RSU1: variants seen among roughly 807,000 people sequenced by gnomAD.
RSU1 encodes Ras suppressor protein 1.
RSU1 carries 26 observed loss-of-function variants against 31.1 expected under a neutral mutation model. That is an observed-to-expected ratio of 0.84 (90% CI 0.61 to 1.16). The LOEUF (loss-of-function observed/expected upper bound fraction) is 1.16, where lower values mean the gene tolerates loss of function less well. RSU1 is among the 50% of genes most tolerant of loss of function. RSU1 has a pLI of 0.00. For synonymous variants in RSU1, 164 were observed against 136.3 expected, an observed-to-expected ratio of 1.20 and a Z score of -1.41; for missense variants, 320 against 339.1, an observed-to-expected ratio of 0.94 and a Z score of 0.44.
chr10:16,679,687 G>A (rs1474494256), intron 8 of RSU1, among the ~76,000 whole-genome samples: 1 of 152,156 alleles, frequency 6.6e-6, no homozygotes, highest in African/African-American at 2.4e-5. Context: ...GATGTAACCC[G>A]GCCTTGTCTT....
chr10:16,788,055 G>A (rs1837831537), intron 2 of RSU1, among the ~76,000 whole-genome samples: 1 of 152,096 alleles, frequency 6.6e-6, no homozygotes, highest in Non-Finnish European at 1.5e-5. Context: ...ACCAGACAAA[G>A]CATTGCTCTA....
intron 8 of RSU1, among the ~76,000 whole-genome samples, chr10:16,677,379 C>A (rs892934565): frequency 6.6e-6 from 1 of 152,136 alleles, no homozygotes; most frequent in South Asian, 2.1e-4. Context: ...AATGTCAATT[C>A]TCTCTCCTTA....
intron 2 of RSU1, among the ~76,000 whole-genome samples, chr10:16,786,854 G>A (rs1837802183): frequency 6.6e-6 from 1 of 152,186 alleles, no homozygotes; most frequent in Non-Finnish European, 1.5e-5. Flanking sequence ...GGACAGCTCT[G>A]TGCTCATCTG....
rs1174240929 is a variant in RSU1 at position 16,593,102 on chromosome 10, T to TCTATTCAAGA, written c.*282_*291dup. 1 of 284,194 alleles carries TCTATTCAAGA rather than the reference T, an allele frequency of 3.5e-6. No individual in the cohort carries two copies. The highest frequency in any genetic ancestry group is 6.5e-6 in the Non-Finnish European group (1 of 153,944). The allele number at this position is 284,194 out of a possible 1,614,324, so 17.6% of individuals were successfully genotyped here. A position where few individuals can be genotyped will look rare whatever the true frequency, so the allele number is the denominator to read the frequency against. On this transcript the variant is annotated 3_prime_UTR_variant, in exon 9 of 9. Coordinates refer to ENST00000345264, the MANE Select transcript of RSU1 (RefSeq NM_012425.4). ...TTTGATAATAAGCAACCTTGTGATA[T>TCTATTCAAGA]CTATTCAAGAAAAGCCAGAGCCCAC...
chr10:16,664,726 A>C (rs1355605052), intron 8 of RSU1, among the ~76,000 whole-genome samples: 1 of 152,192 alleles, frequency 6.6e-6, no homozygotes, highest in African/African-American at 2.4e-5. Context: ...ATTCTAGCTA[A>C]AGAGTTGTAC....
chr10:16,757,616 G>T (rs1415816823), intron 4 of RSU1, among the ~76,000 whole-genome samples: 2 of 152,218 alleles, frequency 1.3e-5, no homozygotes, highest in East Asian at 3.8e-4. Flanking sequence ...TGTCATTAAT[G>T]CTATGTTGAG....
chr10:16,776,491 T>TG (rs1352230033), intron 3 of RSU1, among the ~76,000 whole-genome samples: 4 of 144,596 alleles, frequency 2.8e-5, no homozygotes, highest in African/African-American at 1.0e-4. Context: ...TAGTGTATAT[T>TG]AAAAAAAAAA....
intron 2 of RSU1, among the ~76,000 whole-genome samples, chr10:16,793,246 A>G (rs759219843): frequency 6.6e-6 from 1 of 152,224 alleles, no homozygotes; most frequent in Non-Finnish European, 1.5e-5. Context: ...TAAGTTTTCA[A>G]AACACTTGAA....
intron 8 of RSU1, among the ~76,000 whole-genome samples, chr10:16,661,510 C>T (rs1319697722): frequency 6.6e-6 from 1 of 152,094 alleles, no homozygotes. Flanking sequence ...GTAGCGTATA[C>T]TTATACTGCA....
intron 7 of RSU1, among the ~76,000 whole-genome samples, chr10:16,742,330 C>T (rs975006680): frequency 2.0e-5 from 3 of 152,206 alleles, no homozygotes; most frequent in East Asian, 1.9e-4. Context: ...CATGATGTCA[C>T]GGTAAGGCCT....
chr10:16,736,310 T>C (rs889656939), intron 7 of RSU1, among the ~76,000 whole-genome samples: 2 of 152,070 alleles, frequency 1.3e-5, no homozygotes, highest in Admixed American at 1.3e-4. Context: ...AAGGAAGATA[T>C]AAGCTAAACA....
intron 8 of RSU1, among the ~76,000 whole-genome samples, chr10:16,596,621 A>G (rs1200548208): frequency 6.6e-6 from 1 of 152,248 alleles, no homozygotes; most frequent in Non-Finnish European, 1.5e-5. Flanking sequence ...GCTTCCTTCC[A>G]GCCTCAGAGA....
intron 2 of RSU1, 83 bp from the exon 3 acceptor site, chr10:16,782,167 C>T (rs1164149454): frequency 3.3e-5 from 36 of 1,088,438 alleles, no homozygotes; most frequent in East Asian, 1.2e-4. Flanking sequence ...ACAAAGCAAA[C>T]GGCAAAGTTA....
intron 8 of RSU1, among the ~76,000 whole-genome samples, chr10:16,607,632 G>A (rs1459648229): frequency 1.3e-5 from 2 of 152,204 alleles, no homozygotes; most frequent in Non-Finnish European, 2.9e-5. Flanking sequence ...TGCTCTGTTG[G>A]AATGTGCCAG....
chr10:16,736,704 A>G lies in RSU1; in HGVS notation c.598+15835T>C, dbSNP rs972310354. On this transcript the variant is annotated intron_variant, in intron 7 of 8. Coordinates refer to ENST00000345264, the MANE Select transcript of RSU1 (RefSeq NM_012425.4). ...AGGAAAAAAGTGGCTTACAAACAAA[A>G]GAAAAATCCATCAATGCAAACAGAA... Among the ~76,000 whole-genome samples the G allele has an allele frequency of 1.1e-4, 17 of 152,292 alleles. No individual in the cohort carries two copies. In the East Asian group the frequency reaches 3.3e-3, roughly 29 times the overall value.
chr10:16,814,465 A>AAAAG (rs1554777365), intron 2 of RSU1, among the ~76,000 whole-genome samples: 4 of 145,742 alleles, frequency 2.7e-5, no homozygotes, highest in Admixed American at 6.8e-5. Flanking sequence ...AAAAAAAAAA[A>AAAAG]AAAGAAAAAA....
intron 7 of RSU1, among the ~76,000 whole-genome samples, chr10:16,716,436 T>C (rs1836141758): frequency 1.3e-5 from 2 of 152,174 alleles, no homozygotes; most frequent in African/African-American, 4.8e-5. Flanking sequence ...TAAGCAGTTC[T>C]GAGAGCCCTC....
intron 4 of RSU1, among the ~76,000 whole-genome samples, chr10:16,757,808 A>G (rs1837130134): frequency 6.6e-6 from 1 of 152,228 alleles, no homozygotes; most frequent in South Asian, 2.1e-4. Flanking sequence ...AGAAGACCAC[A>G]CTAGGTGCTT....
chr10:16,690,545 A>G (rs570441330), intron 8 of RSU1, among the ~76,000 whole-genome samples: 52 of 152,290 alleles, frequency 3.4e-4, no homozygotes, highest in African/African-American at 1.2e-3. Context: ...ACAAGTTCCC[A>G]TCTTCATGAA....
Sources: allele counts gnomAD v4.1 joint callset (sites outside exome capture counted in the v4.1 genomes callset), GRCh38; gene constraint gnomAD v4.1.1; transcripts MANE v1.5; gene names NCBI Gene and HGNC (gene_info 2026-07-23, HGNC 2026-07-21).